Variants in RGL3 observed in about 807,000 individuals in gnomAD.
RGL3 encodes the protein ral guanine nucleotide dissociation stimulator-like 3.
In RGL3, 85 loss-of-function variants were observed where a neutral mutation model predicts 90.6. That is an observed-to-expected ratio of 0.94 (90% CI 0.79 to 1.12). The LOEUF (loss-of-function observed/expected upper bound fraction) is 1.12, where lower values mean the gene tolerates loss of function less well. RGL3 is among the 50% of genes most tolerant of loss of function. The pLI is 0.00. For missense variants in RGL3, 1,034 were observed against 939.2 expected (o/e 1.10, Z -1.32); for synonymous variants, 408 against 385.5 (o/e 1.06, Z -0.68).
rs1056691765 is a variant in RGL3 at position 11,415,249 on chromosome 19, G to A, written c.637+688C>T. Among the ~76,000 whole-genome samples, 12 of 151,692 alleles carry A rather than the reference G, an allele frequency of 7.9e-5. No individual in the cohort carries two copies. The South Asian group carries it at 2.1e-3, about 26-fold the overall frequency. On this transcript the variant is annotated intron_variant, in intron 5 of 18. Coordinates refer to ENST00000380456, the MANE Select transcript of RGL3 (RefSeq NM_001035223.4). ...TCGCGCCTGTAATGCCAGCAGTTTT[G>A]GAGACCCAGGCGGGAGGATCACCTG... is the stretch of plus-strand genomic sequence containing the variant.
Position 11,406,433 on chromosome 19 carries a change from T to A in RGL3, c.982A>T (p.Ile328Phe). The A allele has an allele frequency of 6.5e-7, 1 of 1,539,364 alleles. No individual in the cohort carries two copies. Among genetic ancestry groups the A allele is most frequent in the African/African-American group, 1.4e-5 (1 of 73,262 alleles). The change falls in exon 7 of 19, where the codon ATC (isoleucine) becomes TTC (phenylalanine). Residue 328 changes from isoleucine (I) to phenylalanine (F), a missense_variant. Transcript: ENST00000380456. Reference protein sequence around the residue: ...PQRAQRLEKWIRIAQRCRELR... With the variant: ...PQRAQRLEKWFRIAQRCRELR... ...CCGCAACACACCTGGGCGATGCGGA[T>A]CCACTTCTCCAGCCGCTGCGCCCTC... is the stretch of plus-strand genomic sequence containing the variant.
intron 16 of RGL3, chr19:11,397,798 C>T (rs1472728592): frequency 6.8e-6 from 3 of 443,424 alleles, no homozygotes; most frequent in East Asian, 7.9e-5. Flanking sequence ...CACTTGAGGT[C>T]GGGAGTTCAA....
At chr19:11,415,047 T>C (rs775164802) in intron 5 of RGL3, among the ~76,000 whole-genome samples, 47 of 151,758 alleles carry the variant, frequency 3.1e-4, no homozygotes, top group Non-Finnish European at 6.3e-4. Context: ...GGAGAATGGC[T>C]TGAGCCCAGG....
chr19:11,405,382 C>T lies in RGL3; in HGVS notation c.1041G>A (p.Leu347=), dbSNP rs778468345. ...AGATGGGGTTAGATTGCAGGGCGGA[C>T]AGGATGGCGCGCAAGGAGGAGAAGT... ...LRNFSSLRAI[L]SALQSNPIYR... Residue 347 remains leucine, a synonymous_variant, in exon 8 of 19, where the codon CTG becomes CTA. Coordinates refer to ENST00000380456, the MANE Select transcript of RGL3 (RefSeq NM_001035223.4). 3.1e-6 allele frequency: 5 copies of T among 1,607,826 alleles called. No individual in the cohort carries two copies. The highest frequency in any genetic ancestry group is 4.2e-6 in the Non-Finnish European group (5 of 1,177,608).
At chr19:11,403,793 A>G (rs1968723287) in intron 9 of RGL3, among the ~76,000 whole-genome samples, 1 of 152,122 alleles carries the variant, frequency 6.6e-6, no homozygotes, top group Non-Finnish European at 1.5e-5. Context: ...GCTGGCCTTA[A>G]CAAGGAGAGA....
In RGL3 at chr19:11,414,403, TTATATATATA is replaced by T. The variant is rs1223174476; in HGVS notation, c.637+1524_637+1533del. On this transcript the variant is annotated intron_variant, in intron 5 of 18. Transcript: ENST00000380456. The stretch of plus-strand genomic sequence containing the variant: ...TATATATACCTTTATATATATACCT[TTATATATATA>T]TACCTTTATATATATATACCTTCAT... Among the ~76,000 whole-genome samples, 4 of 115,198 alleles carry T rather than the reference TTATATATATA, an allele frequency of 3.5e-5. No homozygotes were observed. In the Admixed American group the frequency reaches 3.7e-4, roughly 11 times the overall value. The allele number at this position is 115,198 out of a possible 152,430, so 75.6% of individuals were successfully genotyped here. A position where few individuals can be genotyped will look rare whatever the true frequency, so the allele number is the denominator to read the frequency against.
In RGL3 at chr19:11,402,439, GGGTCA is replaced by G. The variant is rs1411653083; in HGVS notation, c.1329+11_1329+15del. On this transcript the variant is annotated intron_variant, in intron 11 of 18. Coordinates refer to ENST00000380456, the MANE Select transcript of RGL3 (RefSeq NM_001035223.4). ...AAGTGGAGCTGGGGTCAGGGGTCAAGGGTCAGGGGTCAGACCTCCAACATATCCGG... is the reference window on the plus strand; with the variant it reads ...AAGTGGAGCTGGGGTCAGGGGTCAAGGGGGTCAGACCTCCAACATATCCGG... 3 of 1,593,718 alleles carry G rather than the reference GGGTCA, an allele frequency of 1.9e-6. No individual in the cohort carries two copies. In the East Asian group the frequency reaches 6.7e-5, roughly 36 times the overall value.
rs776628923 is a variant in RGL3 at position 11,394,362 on chromosome 19, G to C, written c.*40C>G. ...TTTCCAGGAGAAGAGTCGCAAGCTT[G>C]CCTGTGGGACTTGTGTCTTGTGGAG... is the stretch of plus-strand genomic sequence containing the variant. On this transcript the variant is annotated 3_prime_UTR_variant, in exon 19 of 19. Coordinates refer to ENST00000380456, the MANE Select transcript of RGL3 (RefSeq NM_001035223.4). The C allele has an allele frequency of 6.7e-7, 1 of 1,491,800 alleles. No homozygotes were observed. Among genetic ancestry groups the C allele is most frequent in the South Asian group, 1.1e-5 (1 of 88,706 alleles). The allele number at this position is 1,491,800 out of a possible 1,614,324, so 92.4% of individuals were successfully genotyped here.
At position 11,402,507 on chromosome 19, in the gene RGL3, G is replaced by A. The variant is rs752847987; in HGVS notation, c.1277C>T (p.Thr426Ile). 1 of 1,605,194 alleles carries A rather than the reference G, an allele frequency of 6.2e-7. No homozygotes were observed. The highest frequency in any genetic ancestry group is 1.8e-5 in the Admixed American group (1 of 56,608). Residue 426 changes from threonine (T) to isoleucine (I), a missense_variant, in exon 11 of 19, where the codon ACC becomes ATC. By Grantham distance (89) the Thr-to-Ile change is moderately conservative (BLOSUM62 -1). Coordinates refer to ENST00000380456, the MANE Select transcript of RGL3 (RefSeq NM_001035223.4). The part of the protein sequence containing the change: ...PPPGPVPYLG[T>I]FLTDLVMLDT... ...CAGCATAACCAGGTCCGTAAGGAAG[G>A]TGCCAAGGTAGGGGACAGGGCCTGG... is the stretch of plus-strand genomic sequence containing the variant.
intron 13 of RGL3, among the ~76,000 whole-genome samples, chr19:11,401,489 G>A (rs996797850): frequency 6.7e-6 from 1 of 150,242 alleles, no homozygotes; most frequent in Non-Finnish European, 1.5e-5. Context: ...TCTGCCTCCC[G>A]GGTTCACGCC....
chr19:11,411,889 G>A (rs775716253), intron 5 of RGL3, among the ~76,000 whole-genome samples: 7 of 152,136 alleles, frequency 4.6e-5, no homozygotes, highest in Non-Finnish European at 8.8e-5. Context: ...TGCTGGGATC[G>A]CCAGCAGGAG....
chr19:11,404,508 C>G (rs887830411), intron 9 of RGL3, among the ~76,000 whole-genome samples: 5 of 152,062 alleles, frequency 3.3e-5, no homozygotes, highest in African/African-American at 1.2e-4. Flanking sequence ...GTCTGGGTGA[C>G]AGAGCGAGAC....
At chr19:11,415,360 A>G (rs970591279) in intron 5 of RGL3, among the ~76,000 whole-genome samples, 1 of 152,100 alleles carries the variant, frequency 6.6e-6, no homozygotes, top group Non-Finnish European at 1.5e-5. Context: ...GACTCAAAAA[A>G]AAGAAAATAA....
chr19:11,412,019 C>A (rs1232036005), intron 5 of RGL3, among the ~76,000 whole-genome samples: 1 of 152,070 alleles, frequency 6.6e-6, no homozygotes, highest in African/African-American at 2.4e-5. Context: ...ATGGCTCACG[C>A]CTGTAATACC....
chr19:11,417,369 C>T (rs1481039644), intron 2 of RGL3, among the ~76,000 whole-genome samples: 1 of 150,874 alleles, frequency 6.6e-6, no homozygotes, highest in African/African-American at 2.4e-5. Context: ...AGACTGGTCT[C>T]GAACTCCTGA....
At chr19:11,408,571 C>T (rs1014259721) in intron 5 of RGL3, among the ~76,000 whole-genome samples, 2 of 147,190 alleles carry the variant, frequency 1.4e-5, no homozygotes, top group Admixed American at 6.8e-5. Flanking sequence ...GGCGACAGAG[C>T]GAGACTCCAT....
intron 4 of RGL3, 43 bp from the exon 5 acceptor site, chr19:11,416,191 G>T (rs1056278607): frequency 2.9e-6 from 4 of 1,402,514 alleles, no homozygotes; most frequent in Non-Finnish European, 3.8e-6. Context: ...CCAGAGTGGG[G>T]GACATAGAAT....
At chr19:11,411,861 T>C (rs1231877376) in intron 5 of RGL3, among the ~76,000 whole-genome samples, 4 of 152,240 alleles carry the variant, frequency 2.6e-5, no homozygotes, top group Non-Finnish European at 5.9e-5. Context: ...GCCATCCACC[T>C]GCCTTGGCCT....
chr19:11,405,305 G>C lies in RGL3; in HGVS notation c.1100+18C>G. On this transcript the variant is annotated intron_variant, in intron 8 of 18. Transcript: ENST00000380456. ...CAGACCTGGGATGGGCTGGGGAACAGGTCCCGCCCCAGCTCACCGGCTCAC... is the reference window on the plus strand; with the variant it reads ...CAGACCTGGGATGGGCTGGGGAACACGTCCCGCCCCAGCTCACCGGCTCAC... 6.2e-7 allele frequency: 1 copy of C among 1,612,390 alleles called. No homozygotes were observed. The highest frequency in any genetic ancestry group is 1.1e-5 in the South Asian group (1 of 91,018).
Sources: gnomAD v4.1 joint callset for allele counts (sites outside exome capture counted in the v4.1 genomes callset) on GRCh38, gnomAD v4.1.1 for gene constraint, MANE v1.5 for transcripts, NCBI Gene and HGNC (gene_info 2026-07-23, HGNC 2026-07-21) for gene names.